CDKAL1: variants seen among roughly 807,000 people sequenced by gnomAD.
The protein encoded by CDKAL1 is threonylcarbamoyladenosine tRNA methylthiotransferase.
In CDKAL1, 32 loss-of-function variants were observed where a neutral mutation model predicts 68.2. That is an observed-to-expected ratio of 0.47 (90% CI 0.35 to 0.63). The LOEUF (loss-of-function observed/expected upper bound fraction) is 0.63. Ranked by LOEUF, CDKAL1 falls within the 30% of genes least tolerant of loss-of-function variation. The probability of loss-of-function intolerance (pLI) is 0.00; values close to 1 mark genes in which losing one functional copy is unlikely to be tolerated. For missense variants in CDKAL1, 606 were observed against 696.7 expected (o/e 0.87, Z 1.47); for synonymous variants, 234 against 244.3 (o/e 0.96, Z 0.39).
chr6:21,181,988 G>T (rs561523476), intron 13 of CDKAL1, among the ~76,000 whole-genome samples: 1 of 152,262 alleles, frequency 6.6e-6, no homozygotes, highest in African/African-American at 2.4e-5. Flanking sequence ...GTCCAGCATT[G>T]TTTACTGCAG....
intron 5 of CDKAL1, among the ~76,000 whole-genome samples, chr6:20,651,277 G>A (rs1768757808): frequency 6.6e-6 from 1 of 152,106 alleles, no homozygotes; most frequent in Non-Finnish European, 1.5e-5. Flanking sequence ...CACTTCCCTT[G>A]TTAGCTGTTT....
intron 8 of CDKAL1, among the ~76,000 whole-genome samples, chr6:20,786,494 C>CTTTTTTTTTTTTTTTTTT (rs1197574844): frequency 6.2e-5 from 5 of 80,728 alleles, no homozygotes; most frequent in African/African-American, 2.0e-4. Flanking sequence ...TTTTTCTTAT[C>CTTTTTTTTTTTTTTTTTT]TTTTTTTTTT....
intron 8 of CDKAL1, among the ~76,000 whole-genome samples, chr6:20,786,494 C>CTTTTTTTTTTTT (rs1197574844): frequency 1.6e-4 from 13 of 80,774 alleles, no homozygotes; most frequent in African/African-American, 6.0e-4. Context: ...TTTTTCTTAT[C>CTTTTTTTTTTTT]TTTTTTTTTT....
chr6:21,206,632 T>G (rs934085985), intron 15 of CDKAL1, among the ~76,000 whole-genome samples: 2 of 152,188 alleles, frequency 1.3e-5, no homozygotes, highest in Non-Finnish European at 2.9e-5. Context: ...TAAAAATTGC[T>G]TTAAAGAAAG....
intron 4 of CDKAL1, among the ~76,000 whole-genome samples, chr6:20,553,983 C>T (rs1763935599): frequency 6.6e-6 from 1 of 150,870 alleles, no homozygotes; most frequent in East Asian, 2.0e-4. Flanking sequence ...CCATGCCTGA[C>T]TAATTTTTGT....
chr6:20,699,619 C>T (rs1771253577), intron 5 of CDKAL1, among the ~76,000 whole-genome samples: 2 of 152,012 alleles, frequency 1.3e-5, no homozygotes, highest in South Asian at 2.1e-4. Context: ...CAGATGCACC[C>T]TGTTTACCCA....
chr6:20,641,836 G>C (rs538292677), intron 4 of CDKAL1, among the ~76,000 whole-genome samples: 1 of 59,082 alleles, frequency 1.7e-5, no homozygotes, highest in African/African-American at 4.3e-5. Context: ...GTGTGCGTGC[G>C]TGTGTGTACA....
intron 11 of CDKAL1, among the ~76,000 whole-genome samples, chr6:21,063,466 T>C (rs1771253938): frequency 6.6e-6 from 1 of 152,238 alleles, no homozygotes; most frequent in Non-Finnish European, 1.5e-5. Context: ...ACCTTATCGC[T>C]GAATGATAAA....
chr6:20,837,415 G>C (rs972680313), intron 8 of CDKAL1, among the ~76,000 whole-genome samples: 1 of 152,086 alleles, frequency 6.6e-6, no homozygotes, highest in Non-Finnish European at 1.5e-5. Flanking sequence ...TTTCCTGTGA[G>C]ATTTCACCTC....
At chr6:20,926,204 A>T (rs939710452) in intron 9 of CDKAL1, among the ~76,000 whole-genome samples, 1 of 152,116 alleles carries the variant, frequency 6.6e-6, no homozygotes, top group African/African-American at 2.4e-5. Context: ...AAATCTAACT[A>T]TATGGTATGT....
intron 3 of CDKAL1, 70 bp downstream of exon 3, chr6:20,546,593 G>A (rs1364368418): frequency 2.7e-5 from 36 of 1,352,894 alleles, no homozygotes; most frequent in African/African-American, 4.4e-5. Flanking sequence ...TTGCTCTGTC[G>A]CCCAGGCTGG....
chr6:20,746,971 C>A (rs1181904376), intron 6 of CDKAL1, among the ~76,000 whole-genome samples: 1 of 152,084 alleles, frequency 6.6e-6, no homozygotes, highest in African/African-American at 2.4e-5. Context: ...CAACTTTGTA[C>A]CCTTTGATCT....
At chr6:20,898,576 A>G (rs931079923) in intron 9 of CDKAL1, among the ~76,000 whole-genome samples, 3 of 151,604 alleles carry the variant, frequency 2.0e-5, no homozygotes, top group South Asian at 4.2e-4. Context: ...GATGGTAACT[A>G]TTTTTCTTGG....
At chr6:20,631,462 T>C (rs1767672090) in intron 4 of CDKAL1, among the ~76,000 whole-genome samples, 2 of 152,174 alleles carry the variant, frequency 1.3e-5, no homozygotes, top group East Asian at 1.9e-4. Context: ...GTATTAGCCT[T>C]GTAGATTGGA....
chr6:21,099,066 G>C (rs968459906), intron 12 of CDKAL1, among the ~76,000 whole-genome samples: 2 of 152,126 alleles, frequency 1.3e-5, no homozygotes, highest in African/African-American at 4.8e-5. Context: ...TCATCACCTG[G>C]AGAAATTTTT....
intron 9 of CDKAL1, among the ~76,000 whole-genome samples, chr6:20,950,470 C>G (rs1764467996): frequency 6.6e-6 from 1 of 152,032 alleles, no homozygotes; most frequent in Non-Finnish European, 1.5e-5. Context: ...GAAAGAACCC[C>G]TAAAAATTTA....
Position 20,923,889 on chromosome 6 carries a change from G to A in CDKAL1, c.743-31530G>A, listed in dbSNP as rs575804796. Among the ~76,000 whole-genome samples, 154 of 151,332 alleles carry A rather than the reference G, an allele frequency of 1.0e-3. 4 individuals carry two copies. In the South Asian group the frequency reaches 0.028, roughly 27 times the overall value. On this transcript the variant is annotated intron_variant, in intron 9 of 15. Coordinates refer to ENST00000274695, the MANE Select transcript of CDKAL1 (RefSeq NM_017774.3). ...TATCCAGGTGTGGTGGTGCGTACCT[G>A]TAGACCTAGCTACCAGGGAGGCTGA...
At chr6:21,091,810 A>G (rs930534689) in intron 12 of CDKAL1, among the ~76,000 whole-genome samples, 7 of 149,000 alleles carry the variant, frequency 4.7e-5, no homozygotes, top group African/African-American at 1.7e-4. Context: ...AGATCATCCT[A>G]TATTGAGGCT....
chr6:21,074,387 C>T (rs1217776862), intron 12 of CDKAL1, among the ~76,000 whole-genome samples: 2 of 152,170 alleles, frequency 1.3e-5, no homozygotes, highest in Non-Finnish European at 2.9e-5. Context: ...TTCATCTTTA[C>T]TAGTTATGTC....
Sources: allele counts gnomAD v4.1 joint callset (sites outside exome capture counted in the v4.1 genomes callset), GRCh38; gene constraint gnomAD v4.1.1; transcripts MANE v1.5; gene names NCBI Gene and HGNC (gene_info 2026-07-23, HGNC 2026-07-21).